The following GALNTL6 variants were observed in gnomAD, a reference collection of about 807,000 sequenced individuals.
GALNTL6 encodes the protein polypeptide N-acetylgalactosaminyltransferase-like 6.
A neutral mutation model predicts 73.7 loss-of-function variants in GALNTL6; 46 were observed. The observed-to-expected ratio is 0.62, with a 90% CI of 0.49 to 0.80. GALNTL6 has a LOEUF of 0.80. Among genes scored for constraint, GALNTL6 ranks in the 30% least tolerant of loss-of-function variants. The pLI is 0.00. For synonymous variants in GALNTL6, 259 were observed against 263.7 expected, an observed-to-expected ratio of 0.98 and a Z score of 0.17; for missense variants, 604 against 755.0, an observed-to-expected ratio of 0.80 and a Z score of 2.34.
At chr4:171,860,552 A>G (rs1464981308) in intron 2 of GALNTL6, among the ~76,000 whole-genome samples, 1 of 152,134 alleles carries the variant, frequency 6.6e-6, no homozygotes, top group Non-Finnish European at 1.5e-5. Flanking sequence ...AAAAGACTCT[A>G]CTTTATAATC....
At chr4:172,429,021 G>C (rs988229463) in intron 5 of GALNTL6, among the ~76,000 whole-genome samples, 6 of 152,036 alleles carry the variant, frequency 3.9e-5, no homozygotes, top group African/African-American at 1.4e-4. Context: ...CCCGCTTTCT[G>C]GTTCATAGAT....
chr4:172,250,859 A>C (rs148365379), intron 3 of GALNTL6, among the ~76,000 whole-genome samples: 12 of 152,282 alleles, frequency 7.9e-5, no homozygotes, highest in African/African-American at 2.9e-4. Context: ...TTATTTTATG[A>C]ATCACTGTTG....
At chr4:172,008,781 C>T (rs1300810771) in intron 2 of GALNTL6, among the ~76,000 whole-genome samples, 41 of 152,090 alleles carry the variant, frequency 2.7e-4, no homozygotes, top group Admixed American at 2.7e-3. Context: ...CCAGTTTTGG[C>T]TGCTTTCCAC....
intron 3 of GALNTL6, among the ~76,000 whole-genome samples, chr4:172,247,007 C>T (rs998680198): frequency 2.0e-5 from 3 of 151,890 alleles, no homozygotes; most frequent in African/African-American, 4.8e-5. Flanking sequence ...ACATGTGATC[C>T]GAATTTCCCT....
chr4:171,983,700 T>C (rs985189872), intron 2 of GALNTL6, among the ~76,000 whole-genome samples: 2 of 152,016 alleles, frequency 1.3e-5, no homozygotes, highest in African/African-American at 4.8e-5. Flanking sequence ...AATTTGTGTT[T>C]TGTAAGTTAA....
At chr4:172,923,078 T>C (rs1404868861) in intron 8 of GALNTL6, among the ~76,000 whole-genome samples, 1 of 152,220 alleles carries the variant, frequency 6.6e-6, no homozygotes, top group African/African-American at 2.4e-5. Context: ...AATCATCTCT[T>C]TGCAGTTAAC....
chr4:172,932,149 C>T (rs1301489380), intron 9 of GALNTL6, among the ~76,000 whole-genome samples: 2 of 152,178 alleles, frequency 1.3e-5, no homozygotes. Context: ...ATAAGGCTCA[C>T]ATAACAAGCT....
chr4:173,018,026 G>A (rs182923486), intron 11 of GALNTL6, among the ~76,000 whole-genome samples: 1 of 152,316 alleles, frequency 6.6e-6, no homozygotes, highest in Admixed American at 6.5e-5. Flanking sequence ...GTACTAGGTA[G>A]TGATTACATT....
At chr4:172,043,872 T>C (rs1247978817) in intron 2 of GALNTL6, among the ~76,000 whole-genome samples, 3 of 152,098 alleles carry the variant, frequency 2.0e-5, no homozygotes, top group African/African-American at 7.2e-5. Flanking sequence ...AAATGTTCGC[T>C]TTAAATGTCA....
At position 173,040,153 on chromosome 4, in the gene GALNTL6, G is replaced by C; in HGVS notation, c.*53G>C. The C allele has an allele frequency of 7.2e-7, 1 of 1,393,960 alleles. No homozygotes were observed. The highest frequency in any genetic ancestry group is 9.9e-7 in the Non-Finnish European group (1 of 1,009,700). The allele number at this position is 1,393,960 out of a possible 1,614,324, so 86.3% of individuals were successfully genotyped here. A position where few individuals can be genotyped will look rare whatever the true frequency, so the allele number is the denominator to read the frequency against. On this transcript the variant is annotated 3_prime_UTR_variant, in exon 13 of 13. Coordinates refer to ENST00000506823, the MANE Select transcript of GALNTL6 (RefSeq NM_001034845.3). The stretch of plus-strand genomic sequence containing the variant: ...CCTACAGGTTATAAATTAAATTTTA[G>C]CCAGCATCTGGGTCGAAGGAGTCAG...
intron 5 of GALNTL6, among the ~76,000 whole-genome samples, chr4:172,470,919 C>T (rs934202462): frequency 3.3e-5 from 5 of 152,116 alleles, no homozygotes; most frequent in Non-Finnish European, 7.4e-5. Flanking sequence ...TCAAGTCCAT[C>T]CCCCCAACAC....
At chr4:171,840,531 T>C (rs1423620088) in intron 2 of GALNTL6, among the ~76,000 whole-genome samples, 2 of 152,172 alleles carry the variant, frequency 1.3e-5, no homozygotes, top group African/African-American at 4.8e-5. Context: ...CCCCCATCAT[T>C]CTTACAAAAG....
At chr4:171,868,209 G>A (rs757108846) in intron 2 of GALNTL6, among the ~76,000 whole-genome samples, 1 of 151,662 alleles carries the variant, frequency 6.6e-6, no homozygotes, top group Non-Finnish European at 1.5e-5. Flanking sequence ...GGCTGGTCTC[G>A]AACTACTGGC....
At chr4:172,484,688 G>T (rs572824095) in intron 5 of GALNTL6, among the ~76,000 whole-genome samples, 1 of 152,262 alleles carries the variant, frequency 6.6e-6, no homozygotes, top group East Asian at 1.9e-4. Context: ...AATGTTTCTA[G>T]TAGAGACTTC....
intron 2 of GALNTL6, among the ~76,000 whole-genome samples, chr4:172,175,304 G>GATCC (rs1734956044): frequency 6.6e-6 from 1 of 152,090 alleles, no homozygotes; most frequent in Admixed American, 6.6e-5. Context: ...GAACTCAGGT[G>GATCC]ATCCACCCAC....
rs921451154 is a variant in GALNTL6 at position 171,813,729 on chromosome 4, C to T, written c.-431C>T. 2 of 152,316 alleles carry T rather than the reference C, an allele frequency of 1.3e-5. No homozygotes were observed. The highest frequency in any genetic ancestry group is 4.8e-5 in the African/African-American group (2 of 41,456). 9.4% of individuals were successfully genotyped at this position (152,316 alleles called of 1,614,324 possible). A position where few individuals can be genotyped will look rare whatever the true frequency, so the allele number is the denominator to read the frequency against. On this transcript the variant is annotated 5_prime_UTR_variant, in exon 1 of 13. Coordinates refer to ENST00000506823, the MANE Select transcript of GALNTL6 (RefSeq NM_001034845.3). This position sits in a 1 kb window ranked among gnomAD's most constrained non-coding sequence, Gnocchi z 5.2. ...GCAGAGCGCTCACTTCTCAGAGGAT[C>T]GCATTCCGAGGACCGCGCGAGGAAG... is the stretch of plus-strand genomic sequence containing the variant.
intron 5 of GALNTL6, among the ~76,000 whole-genome samples, chr4:172,491,207 A>G (rs1733880788): frequency 6.6e-6 from 1 of 152,176 alleles, no homozygotes. Flanking sequence ...TAATAAGAAT[A>G]ATCATCATTT....
At chr4:172,336,902 A>G (rs1444227980) in intron 4 of GALNTL6, among the ~76,000 whole-genome samples, 1 of 151,998 alleles carries the variant, frequency 6.6e-6, no homozygotes, top group Non-Finnish European at 1.5e-5. Context: ...GTAGGAGTAG[A>G]TATGTGTTTT....
At chr4:171,962,717 G>A (rs138508586) in intron 2 of GALNTL6, among the ~76,000 whole-genome samples, 1 of 150,894 alleles carries the variant, frequency 6.6e-6, no homozygotes. Context: ...CATTGCGTAT[G>A]GAGTAGCCAT....
Sources: gnomAD v4.1 joint callset for allele counts (sites outside exome capture counted in the v4.1 genomes callset) on GRCh38, gnomAD v4.1.1 for gene constraint, Gnocchi (gnomAD v3.1) non-coding constraint, MANE v1.5 for transcripts, NCBI Gene and HGNC (gene_info 2026-07-23, HGNC 2026-07-21) for gene names.